Variants in PAH observed in about 807,000 individuals in gnomAD.
The protein encoded by PAH is phenylalanine hydroxylase, also known as phenylalanine-4-hydroxylase.
In PAH, 64 loss-of-function variants were observed where a neutral mutation model predicts 62.0. The observed-to-expected ratio is 1.03, with a 90% CI of 0.84 to 1.27. The LOEUF is 1.27. PAH is among the 50% of genes most tolerant of loss of function. The pLI is 0.00. For synonymous variants in PAH, 195 were observed against 196.2 expected (o/e 0.99, Z 0.05); for missense variants, 579 against 542.8 (o/e 1.07, Z -0.66).
chr12:102,898,344 A>C (rs1877597372), intron 2 of PAH, among the ~76,000 whole-genome samples: 1 of 152,246 alleles, frequency 6.6e-6, no homozygotes, highest in South Asian at 2.1e-4. Flanking sequence ...CTTAGTCAGA[A>C]AGTATGTGAT....
At chr12:102,894,463 T>C (rs567588477) in intron 3 of PAH, among the ~76,000 whole-genome samples, 1 of 151,618 alleles carries the variant, frequency 6.6e-6, no homozygotes, top group African/African-American at 2.4e-5. Flanking sequence ...TAGCTATCTT[T>C]AGGAAGGGGA....
chr12:102,870,250 G>T (rs192095331), intron 4 of PAH, among the ~76,000 whole-genome samples: 1 of 152,154 alleles, frequency 6.6e-6, no homozygotes, highest in Non-Finnish European at 1.5e-5. Context: ...CATAGCTAAG[G>T]TTAAACCTCA....
In PAH at chr12:102,840,438, T is replaced by C; in HGVS notation, c.1277A>G (p.Asn426Ser). ...PYTQRIEVLDNTQQLKILADS... is the reference protein window; with the variant it reads ...PYTQRIEVLDSTQQLKILADS... ...AGCCAAAATCTTAAGCTGCTGGGTA[T>C]TGTCCAAGACCTCAATCCTTTGGGT... The change falls in exon 12 of 13, where the codon AAT becomes AGT. Residue 426 changes from asparagine (N) to serine (S), a missense_variant. Physicochemically the swap from Asn to Ser is conservative, Grantham distance 46 (BLOSUM62 1). Coordinates refer to ENST00000553106, the MANE Select transcript of PAH (RefSeq NM_000277.3). 6.2e-7 allele frequency: 1 copy of C among 1,613,980 alleles called. No homozygotes were observed. Among genetic ancestry groups the C allele is most frequent in the Non-Finnish European group, 8.5e-7 (1 of 1,179,860 alleles).
At chr12:102,877,653 G>A in intron 3 of PAH, 103 bp from the exon 4 acceptor site, 5 of 846,008 alleles carry the variant, frequency 5.9e-6, no homozygotes, top group Non-Finnish European at 1.0e-5. Context: ...GTGATGGCAA[G>A]TGGGCTGGCT....
intron 2 of PAH, among the ~76,000 whole-genome samples, chr12:102,899,556 C>T (rs1198299337): frequency 1.3e-5 from 2 of 152,042 alleles, no homozygotes; most frequent in Non-Finnish European, 2.9e-5. Context: ...GAAGATTAGG[C>T]AATCATTAAA....
chr12:102,847,112 A>G, intron 8 of PAH, 161 bp from the exon 9 acceptor site: 1 of 671,650 alleles, frequency 1.5e-6, no homozygotes, highest in Admixed American at 2.1e-5. Flanking sequence ...CATATGTTAT[A>G]GAATCACAGA....
intron 5 of PAH, among the ~76,000 whole-genome samples, chr12:102,859,234 T>A (rs1007887469): frequency 6.6e-6 from 1 of 152,094 alleles, no homozygotes; most frequent in African/African-American, 2.4e-5. Context: ...AAGAAATAGA[T>A]AAATTCCTGG....
chr12:102,933,926 G>T (rs1412325236), intron 1 of PAH, among the ~76,000 whole-genome samples: 1 of 151,958 alleles, frequency 6.6e-6, no homozygotes, highest in Non-Finnish European at 1.5e-5. Flanking sequence ...CTTTTGTGGT[G>T]CAAAAGCATT....
At chr12:102,909,091 G>C (rs1449832101) in intron 2 of PAH, among the ~76,000 whole-genome samples, 1 of 152,098 alleles carries the variant, frequency 6.6e-6, no homozygotes, top group African/African-American at 2.4e-5. Context: ...GCCTCTCAAA[G>C]TGCTGGGATT....
chr12:102,890,858 G>A (rs1028011336), intron 3 of PAH, among the ~76,000 whole-genome samples: 8 of 152,096 alleles, frequency 5.3e-5, no homozygotes, highest in African/African-American at 9.7e-5. Context: ...CGAGGTGGGC[G>A]GATCACCTGA....
chr12:102,867,127 G>A (rs1876015450), intron 4 of PAH, among the ~76,000 whole-genome samples: 2 of 152,164 alleles, frequency 1.3e-5, no homozygotes, highest in African/African-American at 4.8e-5. Context: ...TACATACTAT[G>A]TGCCAGTTTG....
At chr12:102,929,402 G>A (rs1878781424) in intron 1 of PAH, among the ~76,000 whole-genome samples, 1 of 152,178 alleles carries the variant, frequency 6.6e-6, no homozygotes, top group Non-Finnish European at 1.5e-5. Flanking sequence ...GGGAAGGGAA[G>A]AACCTGGAAC....
chr12:102,862,571 TA>T (rs140778245), intron 5 of PAH, among the ~76,000 whole-genome samples: 45 of 151,804 alleles, frequency 3.0e-4, no homozygotes, highest in African/African-American at 9.6e-4. Flanking sequence ...TTAAAGATTT[TA>T]AAAAAAAAGT....
chr12:102,866,129 A>G (rs1467777020), intron 5 of PAH, among the ~76,000 whole-genome samples: 1 of 151,214 alleles, frequency 6.6e-6, no homozygotes, highest in African/African-American at 2.4e-5. Flanking sequence ...GCTGGGTCAG[A>G]CCAGATAAAA....
rs143211522 is a variant in PAH, at chr12:102,855,329, C to A, written c.513G>T (p.Gly171=). 3.7e-6 allele frequency: 6 copies of A among 1,613,830 alleles called. No individual in the cohort carries two copies. Among genetic ancestry groups the A allele is most frequent in the African/African-American group, 1.3e-5 (1 of 74,898 alleles). ...FADIAYNYRH[G]QPIPRVEYME... ...TGTATTCCACTCGAGGGATGGGCTG[C>A]CCACTAGAATACAGGCACAAAATAG... Residue 171 remains glycine (G), a synonymous_variant, in exon 6 of 13, where the codon GGG becomes GGT. Transcript: ENST00000553106.
At chr12:102,842,618 G>C (rs1438664538) in intron 11 of PAH, among the ~76,000 whole-genome samples, 1 of 152,060 alleles carries the variant, frequency 6.6e-6, no homozygotes, top group Non-Finnish European at 1.5e-5. Context: ...GAGGGGTCTG[G>C]GGGGGATGGA....
intron 2 of PAH, among the ~76,000 whole-genome samples, chr12:102,905,925 C>A (rs939220747): frequency 1.3e-5 from 2 of 151,130 alleles, no homozygotes; most frequent in African/African-American, 4.9e-5. Flanking sequence ...TTCAGTATGA[C>A]AAATTATACC....
At chr12:102,904,508 G>GT (rs1336071589) in intron 2 of PAH, among the ~76,000 whole-genome samples, 2 of 152,168 alleles carry the variant, frequency 1.3e-5, no homozygotes, top group African/African-American at 4.8e-5. Context: ...ATAAGTTCAT[G>GT]TGCACTATGG....
At chr12:102,947,828 G>A (rs1412710551) in intron 1 of PAH, among the ~76,000 whole-genome samples, 1 of 152,180 alleles carries the variant, frequency 6.6e-6, no homozygotes, top group African/African-American at 2.4e-5. Flanking sequence ...TGGTTATGGA[G>A]GCTGAGTCCC....
Sources: allele counts gnomAD v4.1 joint callset (sites outside exome capture counted in the v4.1 genomes callset), GRCh38; gene constraint gnomAD v4.1.1; transcripts MANE v1.5; gene names NCBI Gene and HGNC (gene_info 2026-07-23, HGNC 2026-07-21).